MYO16: variants seen among roughly 807,000 people sequenced by gnomAD.
MYO16 encodes unconventional myosin-XVI.
Under a neutral mutation model 205.3 loss-of-function variants are expected in MYO16, and 94 were observed. That is an observed-to-expected ratio of 0.46 (90% CI 0.39 to 0.54). The LOEUF is 0.54. Among genes scored for constraint, MYO16 ranks in the 20% least tolerant of loss-of-function variants. The pLI is 0.00. For missense variants in MYO16, 2,315 were observed against 2,387.5 expected (o/e 0.97, Z 0.63); for synonymous variants, 988 against 954.0 (o/e 1.04, Z -0.66).
At chr13:108,905,930 C>T (rs923465700) in intron 15 of MYO16, among the ~76,000 whole-genome samples, 2 of 152,096 alleles carry the variant, frequency 1.3e-5, no homozygotes, top group South Asian at 2.1e-4. Flanking sequence ...TTGCTTGACT[C>T]GAAGCTCTGA....
chr13:108,985,010 A>G (rs1294281749), intron 20 of MYO16, among the ~76,000 whole-genome samples: 1 of 152,216 alleles, frequency 6.6e-6, no homozygotes, highest in East Asian at 1.9e-4. Context: ...TGAAAAGACA[A>G]ATAAGCTGCA....
At chr13:108,721,511 G>A (rs895029697) in intron 3 of MYO16, among the ~76,000 whole-genome samples, 2 of 152,168 alleles carry the variant, frequency 1.3e-5, no homozygotes, top group African/African-American at 4.8e-5. Flanking sequence ...GGGATCTTAT[G>A]TGGAGTAAGT....
intron 2 of MYO16, among the ~76,000 whole-genome samples, chr13:108,709,877 G>T (rs1426819125): frequency 7.5e-6 from 1 of 134,204 alleles, no homozygotes; most frequent in African/African-American, 2.8e-5. Context: ...CGAGTCTGTG[G>T]TTCTAATATG....
the MYO16 span, among the ~76,000 whole-genome samples, chr13:108,590,991 T>C: frequency 2.9e-4 from 44 of 152,322 alleles, no homozygotes; most frequent in Middle Eastern, 3.4e-3. Context: ...TTGTTGAATA[T>C]ACAAAAGACA....
chr13:108,505,529 T>C, the MYO16 span, among the ~76,000 whole-genome samples: 497 of 152,356 alleles, frequency 3.3e-3, 3 homozygotes, highest in African/African-American at 0.012. Flanking sequence ...TCATTTTATT[T>C]TTTTGTTACT....
intron 27 of MYO16, among the ~76,000 whole-genome samples, chr13:109,093,884 G>A (rs1465797859): frequency 1.3e-5 from 2 of 152,120 alleles, no homozygotes; most frequent in Admixed American, 6.5e-5. Context: ...TCACAGTCAA[G>A]GAACAGAGCT....
intron 9 of MYO16, among the ~76,000 whole-genome samples, chr13:108,838,753 TACACACACACACAAATGCAC>T (rs767146289): frequency 0.029 from 2,206 of 76,920 alleles, 35 homozygotes; most frequent in Admixed American, 0.046. Flanking sequence ...TATATATATA[TACACACACACACAAATGCAC>T]ACACACACAC....
chr13:108,928,243 A>G (rs911237849), intron 16 of MYO16, among the ~76,000 whole-genome samples: 1 of 152,168 alleles, frequency 6.6e-6, no homozygotes, highest in African/African-American at 2.4e-5. Context: ...CCGACGACAG[A>G]GGGGCAGAAA....
chr13:108,820,408 G>A lies in MYO16; in HGVS notation c.939G>A (p.Ala313=), dbSNP rs538763839. Residue 313 remains alanine (A), a synonymous_variant, in exon 8 of 35, where the codon GCG becomes GCA. Transcript: ENST00000457511. ...TCGTGAACTGTAATGAGGAGAAGGCGTCAGGTAGGTTAGGAGCATCCTTGG... is the reference window on the plus strand; with the variant it reads ...TCGTGAACTGTAATGAGGAGAAGGCATCAGGTAGGTTAGGAGCATCCTTGG... ...PHLVNCNEEK[A]SDIAASEFIE... The A allele has an allele frequency of 5.7e-5, 91 of 1,603,734 alleles. 1 individual carries two copies. The South Asian group carries it at 8.0e-4, about 14-fold the overall frequency.
intron 7 of MYO16, among the ~76,000 whole-genome samples, chr13:108,818,414 A>G (rs1457325601): frequency 6.8e-6 from 1 of 148,130 alleles, no homozygotes; most frequent in Non-Finnish European, 1.5e-5. Flanking sequence ...AAATAAAAAT[A>G]AAAAAGAGAG....
At chr13:108,624,781 CTGAGTGTGTGTGTGTGTG>C (rs1421139245), upstream of MYO16, among the ~76,000 whole-genome samples, 28 of 121,642 alleles carry the variant, frequency 2.3e-4, no homozygotes, top group South Asian at 6.0e-4. Context: ...CCCATATAGC[CTGAGTGTGTGTGTGTGTG>C]TGTGTGTGTG....
intron 33 of MYO16, 92 bp downstream of exon 33, chr13:109,165,151 G>C: frequency 2.0e-6 from 2 of 986,490 alleles, no homozygotes; most frequent in Non-Finnish European, 3.0e-6. Flanking sequence ...TGAAAATGAA[G>C]TAGGGTTAAG....
chr13:108,618,109 T>C (rs1292437026), intron 1 of MYO16, among the ~76,000 whole-genome samples: 1 of 152,186 alleles, frequency 6.6e-6, no homozygotes, highest in East Asian at 1.9e-4. Flanking sequence ...TGGACTATTA[T>C]AGGAGCTTTT....
At chr13:108,542,631 A>G in the MYO16 span, among the ~76,000 whole-genome samples, 1 of 152,166 alleles carries the variant, frequency 6.6e-6, no homozygotes, top group Non-Finnish European at 1.5e-5. Context: ...ACAAATTCTC[A>G]GGAAGTAATA....
Position 109,140,256 on chromosome 13 carries a change from T to C in MYO16, c.4052-8T>C. 1 of 1,598,080 alleles carries C rather than the reference T, an allele frequency of 6.3e-7. No individual in the cohort carries two copies. Among genetic ancestry groups the C allele is most frequent in the Non-Finnish European group, 8.5e-7 (1 of 1,178,612 alleles). On this transcript the variant is annotated splice_polypyrimidine_tract_variant and splice_region_variant and intron_variant, in intron 31 of 34. Transcript: ENST00000457511. The surrounding 1 kb of genome is among the most constrained non-coding windows in gnomAD (Gnocchi z 8.0). ...GGCACCCACTGACCGCGTCCTTTCC[T>C]GCCGCAGCTCTGGCCCGGCCCAGAC... is the stretch of plus-strand genomic sequence containing the variant.
At chr13:108,904,507 T>C (rs930468669) in intron 15 of MYO16, among the ~76,000 whole-genome samples, 8 of 152,192 alleles carry the variant, frequency 5.3e-5, no homozygotes, top group African/African-American at 1.9e-4. Flanking sequence ...GCAAAGAGGT[T>C]TACATTGTGT....
the MYO16 span, among the ~76,000 whole-genome samples, chr13:108,503,131 TA>T: frequency 1.3e-5 from 2 of 152,316 alleles, no homozygotes; most frequent in African/African-American, 4.8e-5. Context: ...GTTTCCCTAA[TA>T]TATAATATAA....
the MYO16 span, among the ~76,000 whole-genome samples, chr13:108,581,194 A>C: frequency 1.1e-4 from 17 of 152,228 alleles, no homozygotes; most frequent in East Asian, 1.2e-3. Context: ...GAACTTATTA[A>C]GATGATTTAT....
At chr13:108,802,361 C>T (rs761155677) in intron 6 of MYO16, among the ~76,000 whole-genome samples, 1 of 152,198 alleles carries the variant, frequency 6.6e-6, no homozygotes, top group Non-Finnish European at 1.5e-5. Context: ...CTGTGCCTGA[C>T]TTATTTCACT....
Sources: gnomAD v4.1 joint callset for allele counts (sites outside exome capture counted in the v4.1 genomes callset) on GRCh38, gnomAD v4.1.1 for gene constraint, Gnocchi (gnomAD v3.1) non-coding constraint, MANE v1.5 for transcripts, NCBI Gene and HGNC (gene_info 2026-07-23, HGNC 2026-07-21) for gene names.